The following KCTD8 variants were observed in gnomAD, a reference collection of about 807,000 sequenced individuals.
KCTD8 encodes potassium channel tetramerization domain containing 8.
KCTD8 carries 27 observed loss-of-function variants against 31.5 expected under a neutral mutation model. That is an observed-to-expected ratio of 0.86 (90% CI 0.63 to 1.18). KCTD8 has a LOEUF of 1.18. KCTD8 is among the 50% of genes most tolerant of loss of function. KCTD8 has a pLI of 0.00. For missense variants in KCTD8, 658 were observed against 647.7 expected (o/e 1.02, Z -0.17); for synonymous variants, 290 against 280.0 (o/e 1.04, Z -0.36).
intron 1 of KCTD8, among the ~76,000 whole-genome samples, chr4:44,284,174 C>A (rs957337032): frequency 1.3e-5 from 2 of 152,252 alleles, no homozygotes; most frequent in South Asian, 2.1e-4. Flanking sequence ...ATAGCCAAGA[C>A]AATCCTGGGC....
intron 1 of KCTD8, among the ~76,000 whole-genome samples, chr4:44,439,904 ATT>A (rs1560455388): frequency 0.018 from 1,973 of 106,974 alleles, 22 homozygotes; most frequent in African/African-American, 0.061. Context: ...ATTTATTTTT[ATT>A]TATTTATTTA....
At chr4:44,421,388 C>T (rs997792676) in intron 1 of KCTD8, among the ~76,000 whole-genome samples, 2 of 151,960 alleles carry the variant, frequency 1.3e-5, no homozygotes, top group East Asian at 1.9e-4. Context: ...TTTAAACATG[C>T]GTAAGTATCA....
intron 1 of KCTD8, among the ~76,000 whole-genome samples, chr4:44,193,681 T>G (rs545144492): frequency 6.6e-6 from 1 of 152,298 alleles, no homozygotes; most frequent in Non-Finnish European, 1.5e-5. Flanking sequence ...TATGAAAATG[T>G]AGACATTGCT....
chr4:44,228,827 G>C lies in KCTD8; in HGVS notation c.962-53577C>G, dbSNP rs1001065235. Reference sequence around the variant, plus strand: ...CTAGTGTAGTGACTTATACATTAAAGAGTTTCAATAAAGAATTGGTGAATG... The same window carrying C: ...CTAGTGTAGTGACTTATACATTAAACAGTTTCAATAAAGAATTGGTGAATG... On this transcript the variant is annotated intron_variant, in intron 1 of 1. Transcript: ENST00000360029. Among the ~76,000 whole-genome samples, 6 of 152,326 alleles carry C rather than the reference G, an allele frequency of 3.9e-5. No individual in the cohort carries two copies. The East Asian group carries it at 7.7e-4, about 20-fold the overall frequency.
intron 1 of KCTD8, among the ~76,000 whole-genome samples, chr4:44,224,335 CT>C (rs1179915313): frequency 1.3e-5 from 2 of 152,116 alleles, no homozygotes; most frequent in Non-Finnish European, 2.9e-5. Context: ...TTATTTGTCA[CT>C]TTTTTTCACT....
At chr4:44,181,775 C>T (rs1261582836) in intron 1 of KCTD8, among the ~76,000 whole-genome samples, 4 of 151,310 alleles carry the variant, frequency 2.6e-5, no homozygotes, top group African/African-American at 7.3e-5. Context: ...AGCCTCTTCC[C>T]GGCCGCCATC....
chr4:44,319,837 T>C (rs915703935), intron 1 of KCTD8, among the ~76,000 whole-genome samples: 1 of 152,256 alleles, frequency 6.6e-6, no homozygotes, highest in Non-Finnish European at 1.5e-5. Context: ...ACTCTCTCCA[T>C]GTCTCAATAA....
intron 1 of KCTD8, among the ~76,000 whole-genome samples, chr4:44,354,066 AT>A (rs1719282869): frequency 1.3e-5 from 2 of 152,108 alleles, no homozygotes; most frequent in African/African-American, 4.8e-5. Context: ...CCCCTTTCAC[AT>A]TCTTATTACC....
intron 1 of KCTD8, among the ~76,000 whole-genome samples, chr4:44,260,317 C>T (rs924002241): frequency 6.6e-5 from 10 of 151,742 alleles, no homozygotes; most frequent in Admixed American, 4.6e-4. Flanking sequence ...GAACTGATCA[C>T]CTACTATGTT....
chr4:44,395,150 C>A (rs905703660), intron 1 of KCTD8, among the ~76,000 whole-genome samples: 9 of 151,872 alleles, frequency 5.9e-5, no homozygotes, highest in African/African-American at 2.2e-4. Context: ...ACTTTTGCAG[C>A]AAGAAAGGTA....
chr4:44,241,480 A>T (rs992070369), intron 1 of KCTD8, among the ~76,000 whole-genome samples: 1 of 152,250 alleles, frequency 6.6e-6, no homozygotes, highest in Non-Finnish European at 1.5e-5. Flanking sequence ...AAAGTGTTGA[A>T]TAGGGTAATT....
chr4:44,384,000 G>T (rs1480054730), intron 1 of KCTD8, among the ~76,000 whole-genome samples: 1 of 151,800 alleles, frequency 6.6e-6, no homozygotes, highest in Admixed American at 6.6e-5. Context: ...ATGGGCAAAT[G>T]ATCTAAATAG....
In KCTD8 at chr4:44,221,750, C is replaced by T. The variant is rs548147696; in HGVS notation, c.962-46500G>A. Among the ~76,000 whole-genome samples the T allele has an allele frequency of 2.4e-4, 36 of 152,266 alleles. 1 individual carries two copies. The South Asian group carries it at 7.1e-3, about 30-fold the overall frequency. ...GACTTAGCCAGTGTACTCTTTCCAC[C>T]GTTCTTCTGTCTGCTTTTATCCTAG... On this transcript the variant is annotated intron_variant, in intron 1 of 1. Transcript: ENST00000360029.
At chr4:44,251,797 G>GA (rs1042072063) in intron 1 of KCTD8, among the ~76,000 whole-genome samples, 15 of 149,434 alleles carry the variant, frequency 1.0e-4, no homozygotes, top group African/African-American at 2.5e-4. Flanking sequence ...TAACAGGATT[G>GA]AAAAAAAAAT....
intron 1 of KCTD8, among the ~76,000 whole-genome samples, chr4:44,342,063 GTA>G (rs1335568289): frequency 6.6e-6 from 1 of 152,098 alleles, no homozygotes; most frequent in Non-Finnish European, 1.5e-5. Flanking sequence ...TGCATTTTCA[GTA>G]AGCAGTAATA....
At chr4:44,396,883 G>T (rs930966549) in intron 1 of KCTD8, among the ~76,000 whole-genome samples, 2 of 152,052 alleles carry the variant, frequency 1.3e-5, no homozygotes, top group African/African-American at 2.4e-5. Context: ...ACCCCATTTT[G>T]TCCTTTGCCT....
chr4:44,293,052 G>C (rs1049527247), intron 1 of KCTD8, among the ~76,000 whole-genome samples: 1 of 152,006 alleles, frequency 6.6e-6, no homozygotes, highest in African/African-American at 2.4e-5. Context: ...AGATCATTAA[G>C]AGATGTTGAT....
intron 1 of KCTD8, among the ~76,000 whole-genome samples, chr4:44,334,171 A>G (rs891986033): frequency 6.6e-6 from 1 of 152,134 alleles, no homozygotes; most frequent in Admixed American, 6.6e-5. Context: ...ACCACTGAAT[A>G]TGTTTTAAAA....
At chr4:44,345,941 A>G (rs546455486) in intron 1 of KCTD8, among the ~76,000 whole-genome samples, 2 of 151,434 alleles carry the variant, frequency 1.3e-5, no homozygotes, top group Admixed American at 6.7e-5. Context: ...ACAAAAAAAA[A>G]CCACATACAA....
Sources: allele counts gnomAD v4.1 joint callset (sites outside exome capture counted in the v4.1 genomes callset), GRCh38; gene constraint gnomAD v4.1.1; transcripts MANE v1.5; gene names NCBI Gene and HGNC (gene_info 2026-07-23, HGNC 2026-07-21).